The following PTPRD variants were observed in gnomAD, a reference collection of about 807,000 sequenced individuals.
PTPRD encodes receptor-type tyrosine-protein phosphatase delta.
PTPRD carries 34 observed loss-of-function variants against 214.5 expected under a neutral mutation model. That is an observed-to-expected ratio of 0.16 (90% CI 0.12 to 0.21). The LOEUF is 0.21. Among genes scored for constraint, PTPRD ranks in the 10% least tolerant of loss-of-function variants. PTPRD has a pLI of 1.00. For missense variants in PTPRD, 2,545 were observed against 2,398.7 expected (o/e 1.06, Z -1.27); for synonymous variants, 1,128 against 845.7 (o/e 1.33, Z -5.79).
At chr9:8,403,653 C>A (rs1453902353) in intron 36 of PTPRD, among the ~76,000 whole-genome samples, 3 of 152,118 alleles carry the variant, frequency 2.0e-5, no homozygotes, top group African/African-American at 4.8e-5. Flanking sequence ...GAGGAGCAAC[C>A]CTCATCTTTT....
At chr9:8,900,900 G>C (rs532456991) in intron 11 of PTPRD, among the ~76,000 whole-genome samples, 1 of 152,258 alleles carries the variant, frequency 6.6e-6, no homozygotes, top group South Asian at 2.1e-4. Context: ...AAAACTGACA[G>C]CTTTATAGAA....
intron 7 of PTPRD, among the ~76,000 whole-genome samples, chr9:9,576,643 G>T (rs187937990): frequency 1.3e-5 from 2 of 152,236 alleles, no homozygotes; most frequent in South Asian, 4.1e-4. Flanking sequence ...AATGTTAAAA[G>T]GTTGAGTATT....
At chr9:9,395,617 C>T (rs1033335566) in intron 9 of PTPRD, among the ~76,000 whole-genome samples, 1 of 152,040 alleles carries the variant, frequency 6.6e-6, no homozygotes, top group Non-Finnish European at 1.5e-5. Flanking sequence ...TGGCAGATTT[C>T]CTTGCACCAA....
At chr9:8,484,434 T>A (rs2135801485) in intron 29 of PTPRD, 56 bp from the exon 30 acceptor site, 6 of 1,542,308 alleles carry the variant, frequency 3.9e-6, no homozygotes, top group Non-Finnish European at 5.2e-6. Flanking sequence ...GCAAAATATA[T>A]TTTCTAAACC....
chr9:9,778,281 G>C (rs557897779), intron 5 of PTPRD, among the ~76,000 whole-genome samples: 8 of 152,238 alleles, frequency 5.3e-5, no homozygotes, highest in African/African-American at 1.9e-4. Context: ...CAGGAACTAA[G>C]GGATAACTCA....
chr9:8,684,243 A>G (rs897606052), intron 12 of PTPRD, among the ~76,000 whole-genome samples: 2 of 152,208 alleles, frequency 1.3e-5, no homozygotes, highest in African/African-American at 4.8e-5. Flanking sequence ...AGCAAACCCA[A>G]TTCTCTGCAA....
chr9:8,793,870 T>G (rs538525353), intron 11 of PTPRD, among the ~76,000 whole-genome samples: 2 of 152,200 alleles, frequency 1.3e-5, no homozygotes, highest in African/African-American at 4.8e-5. Flanking sequence ...CATAACCACC[T>G]GTCTAAAATC....
intron 10 of PTPRD, among the ~76,000 whole-genome samples, chr9:9,165,933 C>T (rs1342824808): frequency 6.6e-6 from 1 of 151,906 alleles, no homozygotes; most frequent in Non-Finnish European, 1.5e-5. Flanking sequence ...CACAAACCAG[C>T]CTTTTCCCCT....
chr9:9,826,946 G>T (rs1287291858), intron 5 of PTPRD, among the ~76,000 whole-genome samples: 3 of 151,964 alleles, frequency 2.0e-5, no homozygotes, highest in Admixed American at 6.6e-5. Flanking sequence ...CAACTTACAA[G>T]GGATGTGAAG....
intron 11 of PTPRD, among the ~76,000 whole-genome samples, chr9:8,870,917 G>C (rs544733185): frequency 6.6e-6 from 1 of 152,246 alleles, no homozygotes; most frequent in South Asian, 2.1e-4. Context: ...GCAGTTTGCC[G>C]TATCCTTGGG....
chr9:8,935,177 T>C (rs2098988365), intron 11 of PTPRD, among the ~76,000 whole-genome samples: 1 of 152,150 alleles, frequency 6.6e-6, no homozygotes, highest in Non-Finnish European at 1.5e-5. Context: ...TCTGTTTGCA[T>C]ATGACACCAT....
chr9:8,955,613 T>C (rs2099127331), intron 11 of PTPRD, among the ~76,000 whole-genome samples: 1 of 151,422 alleles, frequency 6.6e-6, no homozygotes, highest in African/African-American at 2.4e-5. Flanking sequence ...TTTCTGTTTT[T>C]TATTTTTTAT....
Position 8,417,865 on chromosome 9 carries a change from G to A in PTPRD, c.4087-13205C>T, listed in dbSNP as rs184715557. Among the ~76,000 whole-genome samples, 511 of 152,240 alleles carry A rather than the reference G, an allele frequency of 3.4e-3. 3 individuals are homozygous for A. Among genetic ancestry groups the A allele is most frequent in the Middle Eastern group, 0.014 (4 of 294 alleles). On this transcript the variant is annotated intron_variant, in intron 35 of 45. Transcript: ENST00000381196. Reference sequence around the variant, plus strand: ...ACAGTAACTGTAATCCAAATACACAGATATACTAACAATGAAATTTCAAAA... The same window carrying A: ...ACAGTAACTGTAATCCAAATACACAAATATACTAACAATGAAATTTCAAAA...
intron 9 of PTPRD, among the ~76,000 whole-genome samples, chr9:9,254,298 C>A (rs2131739580): frequency 6.6e-6 from 1 of 151,912 alleles, no homozygotes; most frequent in African/African-American, 2.4e-5. Context: ...TATATATTTT[C>A]TATTTCCTTC....
intron 2 of PTPRD, among the ~76,000 whole-genome samples, chr9:10,550,602 T>A (rs1422365769): frequency 6.6e-6 from 1 of 152,200 alleles, no homozygotes; most frequent in African/African-American, 2.4e-5. Flanking sequence ...TAGACTCATT[T>A]CACCCATTGG....
At chr9:9,953,811 C>T (rs772076627) in intron 4 of PTPRD, among the ~76,000 whole-genome samples, 17 of 152,120 alleles carry the variant, frequency 1.1e-4, no homozygotes, top group Non-Finnish European at 2.1e-4. Flanking sequence ...TCACTCTTCC[C>T]GCCATAGGGT....
chr9:10,030,612 G>A (rs1053064980), intron 4 of PTPRD, among the ~76,000 whole-genome samples: 5 of 152,138 alleles, frequency 3.3e-5, no homozygotes, highest in African/African-American at 9.7e-5. Context: ...AAAGGCTCAG[G>A]GAAATAAGAA....
intron 8 of PTPRD, among the ~76,000 whole-genome samples, chr9:9,446,036 A>AT (rs1440993632): frequency 1.3e-5 from 2 of 152,160 alleles, no homozygotes; most frequent in Admixed American, 1.3e-4. Context: ...ATTATGTTCT[A>AT]TTTTTTAATT....
chr9:9,430,421 G>T (rs1011495520), intron 8 of PTPRD, among the ~76,000 whole-genome samples: 1 of 151,642 alleles, frequency 6.6e-6, no homozygotes, highest in African/African-American at 2.4e-5. Flanking sequence ...ACAAATGGAA[G>T]AACATTCCAT....
Sources: allele counts gnomAD v4.1 joint callset (sites outside exome capture counted in the v4.1 genomes callset), GRCh38; gene constraint gnomAD v4.1.1; transcripts MANE v1.5; gene names NCBI Gene and HGNC (gene_info 2026-07-23, HGNC 2026-07-21).